Variants in SHROOM2 observed in about 807,000 individuals in gnomAD.
SHROOM2 encodes the protein protein Shroom2.
Under a neutral mutation model 75.9 loss-of-function variants are expected in SHROOM2, and 33 were observed. The ratio of observed to expected loss-of-function variants is 0.43; its 90% CI spans 0.33 to 0.58. The LOEUF (loss-of-function observed/expected upper bound fraction) is 0.58, where lower values mean the gene tolerates loss of function less well. Ranked by LOEUF, SHROOM2 falls within the 20% of genes least tolerant of loss-of-function variation. SHROOM2 has a pLI of 0.04. For missense variants in SHROOM2, 1,434 were observed against 1,461.2 expected (o/e 0.98, Z 0.30); for synonymous variants, 655 against 663.6 (o/e 0.99, Z 0.20).
chrX:9,832,319 T>C (rs1043337868), intron 1 of SHROOM2, among the ~76,000 whole-genome samples: 2 of 111,230 alleles, frequency 1.8e-5, no homozygotes, highest in African/African-American at 6.6e-5. Flanking sequence ...TGTGTCTCTC[T>C]AGCCCGCCGA....
chrX:9,913,759 G>A (rs1390256579), intron 5 of SHROOM2, among the ~76,000 whole-genome samples: 1 of 112,055 alleles, frequency 8.9e-6, no homozygotes, highest in African/African-American at 3.2e-5. Context: ...TAGCACTTAC[G>A]AGTAAACAGC....
At position 9,939,242 on chromosome X, in the gene SHROOM2, C is replaced by T; in HGVS notation, c.4187C>T (p.Ser1396Phe). 1.7e-6 allele frequency: 2 copies of T among 1,209,818 alleles called. No homozygotes were observed. The highest frequency in any genetic ancestry group is 2.2e-6 in the Non-Finnish European group (2 of 894,540). Residue 1396 changes from serine to phenylalanine, a missense_variant, in exon 8 of 10, where the codon TCT (serine) becomes TTT (phenylalanine). Ser to Phe is a radical substitution (Grantham distance 155, BLOSUM62 -2). This residue lies in a region of SHROOM2 where 1,340 missense variants were observed against 1,338.3 expected (regional missense o/e 1.00). Transcript: ENST00000380913. ...GCGGCCGTGTCCCTGGCCACCAATTCTACCTACTACAGCACGTCGGCCCCC... is the reference window on the plus strand; with the variant it reads ...GCGGCCGTGTCCCTGGCCACCAATTTTACCTACTACAGCACGTCGGCCCCC... Reference protein sequence around the residue: ...VPAAVSLATNSTYYSTSAPKA... With the variant: ...VPAAVSLATNFTYYSTSAPKA...
At chrX:9,798,079 A>G (rs770755981) in intron 1 of SHROOM2, among the ~76,000 whole-genome samples, 1 of 111,457 alleles carries the variant, frequency 9.0e-6, no homozygotes, top group South Asian at 3.8e-4. Flanking sequence ...ATGAAAGCCA[A>G]GTAAAACTGG....
chrX:9,942,911 A>G (rs2084784746), intron 8 of SHROOM2, among the ~76,000 whole-genome samples: 1 of 111,572 alleles, frequency 9.0e-6, no homozygotes, highest in Admixed American at 9.5e-5. Context: ...GGTGTGCCGC[A>G]GGACCCTTCA....
At chrX:9,808,464 G>C (rs1601917739) in intron 1 of SHROOM2, among the ~76,000 whole-genome samples, 2 of 110,223 alleles carry the variant, frequency 1.8e-5, no homozygotes, top group Admixed American at 9.8e-5. Context: ...GGAGGATTTG[G>C]CTTGAGTCAG....
chrX:9,832,207 G>T (rs369453888), intron 1 of SHROOM2, among the ~76,000 whole-genome samples: 3 of 112,378 alleles, frequency 2.7e-5, no homozygotes, highest in East Asian at 5.6e-4. Context: ...GGAGCCAGGG[G>T]TGCCTGTCCA....
chrX:9,808,721 G>A (rs1377123076), intron 1 of SHROOM2, among the ~76,000 whole-genome samples: 2 of 110,079 alleles, frequency 1.8e-5, no homozygotes, highest in Non-Finnish European at 3.8e-5. Flanking sequence ...AATTAGCCAG[G>A]CGTGGTATCA....
At chrX:9,915,142 T>C (rs971977443) in intron 5 of SHROOM2, among the ~76,000 whole-genome samples, 4 of 111,971 alleles carry the variant, frequency 3.6e-5, no homozygotes, top group Non-Finnish European at 7.5e-5. Context: ...TTAAAAATTA[T>C]TTATTTTTTA....
At chrX:9,869,171 C>T (rs1044224473) in intron 1 of SHROOM2, among the ~76,000 whole-genome samples, 3 of 110,136 alleles carry the variant, frequency 2.7e-5, no homozygotes, top group African/African-American at 6.6e-5. Context: ...ATGTTGGCCA[C>T]GCTGGTCTTG....
intron 3 of SHROOM2, among the ~76,000 whole-genome samples, chrX:9,891,875 G>A (rs2068081701): frequency 1.0e-5 from 1 of 99,218 alleles, no homozygotes; most frequent in Non-Finnish European, 2.0e-5. Context: ...TTTGGTGTGT[G>A]TGTGTGTGTG....
intron 1 of SHROOM2, among the ~76,000 whole-genome samples, chrX:9,829,262 G>A (rs966517248): frequency 3.6e-5 from 4 of 112,097 alleles, no homozygotes; most frequent in African/African-American, 1.3e-4. Flanking sequence ...GACCTCAGGT[G>A]ATGCACCCAC....
intron 1 of SHROOM2, among the ~76,000 whole-genome samples, chrX:9,797,008 T>C (rs1241637948): frequency 8.9e-6 from 1 of 112,031 alleles, no homozygotes; most frequent in African/African-American, 3.2e-5. Context: ...GAAGATTCAG[T>C]ATCCCTGTGA....
At chrX:9,801,129 T>C (rs765024447) in intron 1 of SHROOM2, among the ~76,000 whole-genome samples, 6 of 111,631 alleles carry the variant, frequency 5.4e-5, no homozygotes, top group Non-Finnish European at 7.5e-5. Flanking sequence ...AAGGATGTCT[T>C]ACATGGCAGC....
chrX:9,788,123 G>T (rs1225349016), intron 1 of SHROOM2, among the ~76,000 whole-genome samples: 2 of 109,381 alleles, frequency 1.8e-5, no homozygotes, highest in Non-Finnish European at 3.8e-5. Flanking sequence ...ATTTTGCCCA[G>T]GCTGGTCTCG....
chrX:9,807,652 A>G (rs909714319), intron 1 of SHROOM2, among the ~76,000 whole-genome samples: 1 of 112,375 alleles, frequency 8.9e-6, no homozygotes, highest in Non-Finnish European at 1.9e-5. Flanking sequence ...TGCCCCAACA[A>G]AAAAGTAAAG....
intron 1 of SHROOM2, among the ~76,000 whole-genome samples, chrX:9,806,468 A>G (rs1422529168): frequency 6.5e-5 from 7 of 108,024 alleles, no homozygotes. Context: ...TTGTGTGTAT[A>G]TATATATGTA....
intron 1 of SHROOM2, among the ~76,000 whole-genome samples, chrX:9,814,193 T>C (rs1199944992): frequency 2.7e-5 from 3 of 111,458 alleles, no homozygotes; most frequent in Non-Finnish European, 5.7e-5. Flanking sequence ...ATCAGGCATT[T>C]CCAGCTCACT....
At chrX:9,823,073 TCCCTTCTC>T (rs2083865497) in intron 1 of SHROOM2, among the ~76,000 whole-genome samples, 1 of 14,419 alleles carries the variant, frequency 6.9e-5, no homozygotes, top group Non-Finnish European at 1.5e-4. Context: ...CTCCTCCTCC[TCCCTTCTC>T]CCTTCTCCTC....
intron 1 of SHROOM2, among the ~76,000 whole-genome samples, chrX:9,808,336 G>A (rs964271196): frequency 3.9e-5 from 4 of 103,794 alleles, no homozygotes; most frequent in Admixed American, 1.1e-4. Flanking sequence ...TGGAGCCCAG[G>A]AGTTCGAGAC....
Sources: gnomAD v4.1 joint callset for allele counts (sites outside exome capture counted in the v4.1 genomes callset) on GRCh38, gnomAD v4.1.1 for gene constraint, gnomAD v4.1.1 regional missense constraint, MANE v1.5 for transcripts, NCBI Gene and HGNC (gene_info 2026-07-23, HGNC 2026-07-21) for gene names.